The following AXIN1 variants were observed in gnomAD, a reference collection of about 807,000 sequenced individuals.
The protein encoded by AXIN1 is axin-1.
AXIN1 carries 30 observed loss-of-function variants against 76.4 expected under a neutral mutation model. That is an observed-to-expected ratio of 0.39 (90% CI 0.29 to 0.53). The LOEUF (loss-of-function observed/expected upper bound fraction) is 0.53. AXIN1 is among the 20% of genes least tolerant of loss of function. AXIN1 has a pLI of 0.66. For synonymous variants in AXIN1, 545 were observed against 501.4 expected, an observed-to-expected ratio of 1.09 and a Z score of -1.16; for missense variants, 1,140 against 1,198.8, an observed-to-expected ratio of 0.95 and a Z score of 0.72.
chr16:342,081 T>C (rs1326319051), intron 2 of AXIN1, among the ~76,000 whole-genome samples: 2 of 152,222 alleles, frequency 1.3e-5, no homozygotes, highest in Non-Finnish European at 2.9e-5. Context: ...CAGTGGTAAC[T>C]CGCTCGGGTC....
intron 2 of AXIN1, among the ~76,000 whole-genome samples, chr16:337,146 T>C (rs1322179267): frequency 1.4e-4 from 10 of 73,032 alleles, no homozygotes; most frequent in African/African-American, 4.4e-4. Flanking sequence ...CAAGACCCCG[T>C]CTCAAAAAAA....
chr16:325,379 T>C (rs1387933725), intron 2 of AXIN1, among the ~76,000 whole-genome samples: 2 of 152,192 alleles, frequency 1.3e-5, no homozygotes, highest in African/African-American at 4.8e-5. Context: ...CCTGCCTCCA[T>C]GGTTATCAGC....
intron 2 of AXIN1, among the ~76,000 whole-genome samples, chr16:345,628 C>T (rs866954776): frequency 4.6e-5 from 7 of 152,074 alleles, no homozygotes; most frequent in South Asian, 2.1e-4. Context: ...GCAGGAGAAT[C>T]GCTCAAACCC....
At chr16:299,317 AAAAG>A in intron 5 of AXIN1, 1 of 851,644 alleles carries the variant, frequency 1.2e-6, no homozygotes, top group Non-Finnish European at 1.4e-6. Flanking sequence ...GTGTCAATAC[AAAAG>A]AAAGAGAGGG....
Position 347,078 on chromosome 16 carries a change from C to G in AXIN1, c.-53G>C. 6.2e-7 allele frequency: 1 copy of G among 1,612,676 alleles called. No homozygotes were observed. Among genetic ancestry groups the G allele is most frequent in the Non-Finnish European group, 8.5e-7 (1 of 1,180,016 alleles). ...AGCGCTGCACCCTAATACATCAGTA[C>G]TTACAGCTCCAAAGTGAATCAATCT... On this transcript the variant is annotated 5_prime_UTR_variant, in exon 2 of 11. Coordinates refer to ENST00000262320, the MANE Select transcript of AXIN1 (RefSeq NM_003502.4).
intron 8 of AXIN1, chr16:292,500 C>G (rs1368227847): frequency 2.6e-5 from 4 of 152,256 alleles, no homozygotes; most frequent in African/African-American, 7.2e-5. Flanking sequence ...TAGCCACAGC[C>G]TCCCTGGAGT....
intron 2 of AXIN1, among the ~76,000 whole-genome samples, chr16:321,240 C>T (rs2053450804): frequency 6.6e-6 from 1 of 152,026 alleles, no homozygotes; most frequent in Non-Finnish European, 1.5e-5. Context: ...GAGCCGCCAC[C>T]CTCCCTGGTA....
chr16:346,052 T>C (rs2071961), intron 2 of AXIN1, 96 bp downstream of exon 2: 9 of 1,222,586 alleles, frequency 7.4e-6, no homozygotes, highest in Middle Eastern at 2.0e-4. Context: ...GGACATCCGG[T>C]GTGGGTTAAC....
intron 3 of AXIN1, among the ~76,000 whole-genome samples, chr16:313,764 G>C (rs1446153520): frequency 1.3e-5 from 2 of 152,264 alleles, no homozygotes; most frequent in Non-Finnish European, 2.9e-5. Context: ...CTAATGGCTG[G>C]GGTGTACATA....
At chr16:318,051 C>A (rs556121464) in intron 2 of AXIN1, among the ~76,000 whole-genome samples, 1 of 151,910 alleles carries the variant, frequency 6.6e-6, no homozygotes, top group Non-Finnish European at 1.5e-5. Context: ...CAGCACACGG[C>A]GCGTCTGTAG....
intron 3 of AXIN1, among the ~76,000 whole-genome samples, chr16:310,772 A>G (rs1431314276): frequency 6.6e-6 from 1 of 152,252 alleles, no homozygotes; most frequent in African/African-American, 2.4e-5. Context: ...AAAGCCTCAC[A>G]TATTCACTGC....
At chr16:314,451 T>C (rs2141591362) in intron 3 of AXIN1, 92 bp downstream of exon 3, 2 of 1,576,568 alleles carry the variant, frequency 1.3e-6, no homozygotes, top group East Asian at 4.5e-5. Flanking sequence ...GGGGCAGGAC[T>C]TACACATTGC....
rs148960948 is a variant in AXIN1 at position 346,592 on chromosome 16, T to C, written c.434A>G (p.Tyr145Cys). Reference protein sequence around the residue: ...EKRLKLARAIYRKYILDNNGI... With the variant: ...EKRLKLARAICRKYILDNNGI... The stretch of plus-strand genomic sequence containing the variant: ...ATTGTTATCAAGAATGTACTTTCGG[T>C]AGATGGCTCTCGCCAGCTTCAGCCT... The change falls in exon 2 of 11, where the codon TAC becomes TGC. Residue 145 changes from tyrosine (Y) to cysteine (C), a missense_variant. Physicochemically the swap from Tyr to Cys is radical, Grantham distance 194 (BLOSUM62 -2). This residue lies in a region of AXIN1 where 708 missense variants were observed against 776.9 expected (regional missense o/e 0.91). Coordinates refer to ENST00000262320, the MANE Select transcript of AXIN1 (RefSeq NM_003502.4). 1.6e-5 allele frequency: 26 copies of C among 1,608,352 alleles called. No individual in the cohort carries two copies. The African/African-American group carries it at 2.9e-4, about 18-fold the overall frequency.
intron 3 of AXIN1, among the ~76,000 whole-genome samples, chr16:314,128 C>T (rs9924506): frequency 0.33 from 49,518 of 152,102 alleles, 8,297 homozygotes; most frequent in South Asian, 0.45. Flanking sequence ...AACTCTAGCC[C>T]GGGCAGCCTA....
intron 1 of AXIN1, among the ~76,000 whole-genome samples, chr16:348,354 C>A (rs2054074315): frequency 6.6e-6 from 1 of 152,230 alleles, no homozygotes; most frequent in Non-Finnish European, 1.5e-5. Flanking sequence ...ACAAATAAAA[C>A]CCTAAAACCC....
chr16:290,796 G>A (rs2052534287), intron 9 of AXIN1: 1 of 366,848 alleles, frequency 2.7e-6, no homozygotes, highest in Admixed American at 3.8e-5. Flanking sequence ...CGCACCCCGG[G>A]CACCTCAGCA....
At chr16:298,356 A>G in intron 5 of AXIN1, 105 bp from the exon 6 acceptor site, 23 of 1,489,766 alleles carry the variant, frequency 1.5e-5, no homozygotes, top group Non-Finnish European at 2.1e-5. Context: ...ATGCCGTCCC[A>G]GCCCAGGGTG....
intron 5 of AXIN1, among the ~76,000 whole-genome samples, chr16:301,128 G>T (rs572800406): frequency 2.0e-5 from 3 of 151,986 alleles, no homozygotes; most frequent in Non-Finnish European, 4.4e-5. Context: ...AAAATTAGCC[G>T]GGCGTGATGG....
intron 2 of AXIN1, among the ~76,000 whole-genome samples, chr16:329,647 G>A (rs1286955630): frequency 6.6e-6 from 1 of 151,508 alleles, no homozygotes; most frequent in Non-Finnish European, 1.5e-5. Flanking sequence ...ACGGAGTCTC[G>A]CTATGTCGCC....
Sources: allele counts gnomAD v4.1 joint callset (sites outside exome capture counted in the v4.1 genomes callset), GRCh38; gene constraint gnomAD v4.1.1; regional missense constraint gnomAD v4.1.1; transcripts MANE v1.5; gene names NCBI Gene and HGNC (gene_info 2026-07-23, HGNC 2026-07-21).